ABCC8: variants seen among roughly 807,000 people sequenced by gnomAD.
The protein encoded by ABCC8 is ATP binding cassette subfamily C member 8, also known as ATP-binding cassette sub-family C member 8.
A neutral mutation model predicts 188.0 loss-of-function variants in ABCC8; 137 were observed. The observed-to-expected ratio is 0.73, with a 90% confidence interval of 0.63 to 0.84. The LOEUF (loss-of-function observed/expected upper bound fraction) is 0.84. ABCC8 is among the 40% of genes least tolerant of loss of function. The pLI is 0.00. For synonymous variants in ABCC8, 797 were observed against 846.5 expected, an observed-to-expected ratio of 0.94 and a Z score of 1.01; for missense variants, 1,750 against 2,072.7, an observed-to-expected ratio of 0.84 and a Z score of 3.02.
chr11:17,417,099 T>C, intron 16 of ABCC8, 137 bp from the exon 17 acceptor site: 1 of 1,546,592 alleles, frequency 6.5e-7, no homozygotes. Flanking sequence ...AAATGGCCTC[T>C]GTGGGGTCAG....
At chr11:17,439,266 G>A (rs1375779189) in intron 10 of ABCC8, among the ~76,000 whole-genome samples, 1 of 151,428 alleles carries the variant, frequency 6.6e-6, no homozygotes, top group Non-Finnish European at 1.5e-5. Context: ...ACCAGTTCGG[G>A]ACTCCATACA....
intron 10 of ABCC8, among the ~76,000 whole-genome samples, chr11:17,434,980 TTC>T (rs1491108350): frequency 8.0e-6 from 1 of 124,346 alleles, no homozygotes; most frequent in African/African-American, 3.3e-5. Context: ...GCTGCGTGTG[TTC>T]GCGTGTGTGT....
intron 16 of ABCC8, among the ~76,000 whole-genome samples, chr11:17,426,218 G>A (rs1955575910): frequency 6.6e-6 from 1 of 152,256 alleles, no homozygotes; most frequent in South Asian, 2.1e-4. Flanking sequence ...GAATTGCTGG[G>A]TCAAATGGTA....
In ABCC8 at chr11:17,461,580, G is replaced by A. The variant is rs370697909; in HGVS notation, c.822+3C>T. On this transcript the variant is annotated splice_donor_region_variant and intron_variant, in intron 5 of 38. Transcript: ENST00000389817. ...TAGATGGTGTGGCTGTGCCCCCACT[G>A]ACCACCTGGGCGTCAAAGGCCTCGC... 3.1e-6 allele frequency: 5 copies of A among 1,614,064 alleles called. No individual in the cohort carries two copies. The African/African-American group carries it at 6.7e-5, about 22-fold the overall frequency.
intron 10 of ABCC8, among the ~76,000 whole-genome samples, chr11:17,437,091 CAAAAAAAAA>C (rs71047551): frequency 5.4e-5 from 3 of 55,058 alleles, no homozygotes; most frequent in African/African-American, 6.9e-5. Context: ...AACTCTGTCT[CAAAAAAAAA>C]AAAAAAAAAA....
chr11:17,414,354 C>T (rs1053647252), intron 19 of ABCC8, among the ~76,000 whole-genome samples, 158 bp downstream of exon 19: 1 of 152,208 alleles, frequency 6.6e-6, no homozygotes, highest in Non-Finnish European at 1.5e-5. Context: ...CCTGGCCCCT[C>T]TCCAGGTGCA....
rs764051832 is a variant in ABCC8 at position 17,405,549 on chromosome 11, G to A, written c.3344C>T (p.Thr1115Met). ...ILAPMRFFET[T>M]PLGSILNRFS... ...TCTGTTCAGGATGCTCCCAAGGGGC[G>A]TGGTCTCAAAAAACCTAAGAGGCAG... Residue 1115 changes from threonine (T) to methionine (M), a missense_variant, in exon 27 of 39, where the codon ACG (threonine) becomes ATG (methionine). By Grantham distance (81) the Thr-to-Met change is moderately conservative. Transcript: ENST00000389817. 7 of 1,614,134 alleles carry A rather than the reference G, an allele frequency of 4.3e-6. No homozygotes were observed. In the African/African-American group the frequency reaches 5.3e-5, roughly 12 times the overall value.
intron 13 of ABCC8, 45 bp downstream of exon 13, chr11:17,428,519 CT>C (rs2133538862): frequency 1.9e-6 from 3 of 1,611,834 alleles, no homozygotes; most frequent in Non-Finnish European, 1.7e-6. Context: ...AGTTTTGGGC[CT>C]TAGAGGACCA....
chr11:17,394,167 G>A (rs1274446787), intron 37 of ABCC8, 99 bp downstream of exon 37: 5 of 1,454,782 alleles, frequency 3.4e-6, no homozygotes, highest in Non-Finnish European at 4.8e-6. Context: ...TGATGTTAGA[G>A]GCAACTTGAG....
Position 17,431,322 on chromosome 11 carries a change from A to G in ABCC8, c.1672-363T>C, listed in dbSNP as rs529926740. 4.6e-5 allele frequency among the ~76,000 whole-genome samples: 7 copies of G among 152,288 alleles called. No homozygotes were observed. In the East Asian group the frequency reaches 1.2e-3, roughly 25 times the overall value. On this transcript the variant is annotated intron_variant, in intron 11 of 38. Transcript: ENST00000389817. The stretch of plus-strand genomic sequence containing the variant: ...CCCAGTCCTCATCGGGATAACGTAA[A>G]CAGAGTGATTACGAAACTGCACAGT...
chr11:17,460,387 C>A lies in ABCC8; in HGVS notation c.1011+101G>T. 5 of 1,565,806 alleles carry A rather than the reference C, an allele frequency of 3.2e-6. No individual in the cohort carries two copies. The South Asian group carries it at 5.6e-5, about 18-fold the overall frequency. ...GGCTTTGCGCATGTGTGAGGAGCCA[C>A]TCCAGTGTGGCCATGGCTCACACAC... On this transcript the variant is annotated intron_variant, in intron 6 of 38. Transcript: ENST00000389817.
At chr11:17,449,956 A>G (rs2133623046) in intron 7 of ABCC8, among the ~76,000 whole-genome samples, 1 of 152,364 alleles carries the variant, frequency 6.6e-6, no homozygotes, top group South Asian at 2.1e-4. Flanking sequence ...GTTATGTGAA[A>G]TGAGACTTCA....
intron 28 of ABCC8, 140 bp from the exon 29 acceptor site, chr11:17,402,893 G>T: frequency 2.9e-6 from 3 of 1,043,700 alleles, no homozygotes; most frequent in South Asian, 1.3e-5. Flanking sequence ...CCCGTGAAGG[G>T]GGAAGACAAT....
chr11:17,411,625 C>T (rs1373151526), intron 21 of ABCC8, among the ~76,000 whole-genome samples: 1 of 152,176 alleles, frequency 6.6e-6, no homozygotes, highest in East Asian at 1.9e-4. Flanking sequence ...TTAATTGACT[C>T]TCCCTTTGAG....
At position 17,408,433 on chromosome 11, in the gene ABCC8, A is replaced by G; in HGVS notation, c.2779T>C (p.Trp927Arg). 1.2e-6 allele frequency: 2 copies of G among 1,613,768 alleles called. No homozygotes were observed. The highest frequency in any genetic ancestry group is 1.1e-5 in the South Asian group (1 of 91,062). The change falls in exon 23 of 39, where the codon TGG becomes CGG. Residue 927 changes from tryptophan to arginine, a missense_variant. Trp to Arg is a moderately radical substitution (Grantham distance 101). Coordinates refer to ENST00000389817, the MANE Select transcript of ABCC8 (RefSeq NM_000352.6). ...TCCTGTCGGTTCATGAGGGTCTTCC[A>G]GTGCTCAAAGAGCTGGCATTCAGAC... ...QRSECQLFEH[W>R]KTLMNRQDQE...
chr11:17,428,940 T>G (rs1955722686), intron 12 of ABCC8: 1 of 558,258 alleles, frequency 1.8e-6, no homozygotes, highest in East Asian at 3.2e-5. Context: ...AGTTAGTTAG[T>G]CTGGGTTATT....
At chr11:17,435,862 C>T in intron 10 of ABCC8, 1 of 1,248,230 alleles carries the variant, frequency 8.0e-7, no homozygotes, top group African/African-American at 1.5e-5. Context: ...TGGCCCCGGA[C>T]ACAGGGACTT....
intron 22 of ABCC8, 178 bp downstream of exon 22, chr11:17,410,338 C>T (rs1954749321): frequency 1.4e-6 from 1 of 701,060 alleles, no homozygotes; most frequent in South Asian, 1.8e-5. Context: ...TACCAAACCC[C>T]TGGCCTGTAC....
intron 3 of ABCC8, among the ~76,000 whole-genome samples, chr11:17,469,224 T>C (rs1848345121): frequency 6.6e-6 from 1 of 151,826 alleles, no homozygotes; most frequent in Non-Finnish European, 1.5e-5. Context: ...CCTGAGTACC[T>C]GGGACCACCG....
Sources: gnomAD v4.1 joint callset for allele counts (sites outside exome capture counted in the v4.1 genomes callset) on GRCh38, gnomAD v4.1.1 for gene constraint, MANE v1.5 for transcripts, NCBI Gene and HGNC (gene_info 2026-07-23, HGNC 2026-07-21) for gene names.